CNBD1: variants seen among roughly 807,000 people sequenced by gnomAD.
The protein encoded by CNBD1 is cyclic nucleotide-binding domain-containing protein 1.
CNBD1 carries 71 observed loss-of-function variants against 54.4 expected under a neutral mutation model. That is an observed-to-expected ratio of 1.30 (90% CI 1.08 to 1.59). The LOEUF (loss-of-function observed/expected upper bound fraction) is 1.59. Among genes scored for constraint, CNBD1 ranks in the 40% most tolerant of loss-of-function variants. The pLI, the probability that CNBD1 is intolerant of heterozygous loss-of-function variation, is 0.00. For missense variants in CNBD1, 659 were observed against 518.0 expected (o/e 1.27, Z -2.64); for synonymous variants, 182 against 170.7 (o/e 1.07, Z -0.51).
Position 87,163,643 on chromosome 8 carries a change from A to G in CNBD1, c.432-42350A>G, listed in dbSNP as rs1309787462. Among the ~76,000 whole-genome samples, 1 of 151,708 alleles carries G rather than the reference A, an allele frequency of 6.6e-6. No homozygotes were observed. The highest frequency in any genetic ancestry group is 1.9e-4 in the East Asian group (1 of 5,176). On this transcript the variant is annotated intron_variant, in intron 4 of 10. Transcript: ENST00000518476. The surrounding 1 kb of genome is among the most constrained non-coding windows in gnomAD (Gnocchi z 4.5). Reference sequence around the variant, plus strand: ...GTTAGTGTATGAAAATGCAACTGATATTTGTAGGTTGATTTTGTTTCCTGC... The same window carrying G: ...GTTAGTGTATGAAAATGCAACTGATGTTTGTAGGTTGATTTTGTTTCCTGC...
At chr8:87,355,927 A>T (rs1310407554) in intron 10 of CNBD1, among the ~76,000 whole-genome samples, 1 of 152,044 alleles carries the variant, frequency 6.6e-6, no homozygotes, top group Non-Finnish European at 1.5e-5. Flanking sequence ...CTGGGTAATG[A>T]GTGAGTTCTC....
At chr8:87,426,371 A>G (rs948058094) in intron 2 of CNBD1, among the ~76,000 whole-genome samples, 1 of 152,198 alleles carries the variant, frequency 6.6e-6, no homozygotes, top group African/African-American at 2.4e-5. Flanking sequence ...AAATTATTAA[A>G]TGCAACATCA....
chr8:87,330,231 C>CTTTTTTT (rs3055413), intron 8 of CNBD1, among the ~76,000 whole-genome samples: 2 of 130,776 alleles, frequency 1.5e-5, no homozygotes, highest in African/African-American at 5.6e-5. Context: ...TTCCTTCTCT[C>CTTTTTTT]TTTTTTTTTT....
At chr8:86,919,021 T>C (rs1809230765) in intron 3 of CNBD1, among the ~76,000 whole-genome samples, 1 of 148,192 alleles carries the variant, frequency 6.7e-6, no homozygotes, top group Non-Finnish European at 1.5e-5. Context: ...AATATCATGC[T>C]TTTTTTTTTA....
At chr8:87,014,489 T>C (rs187740219) in intron 4 of CNBD1, among the ~76,000 whole-genome samples, 3 of 152,108 alleles carry the variant, frequency 2.0e-5, no homozygotes, top group Non-Finnish European at 4.4e-5. Flanking sequence ...TAAGCTTTAT[T>C]ACTAAAGTAA....
chr8:86,955,184 T>C (rs1807732075), intron 4 of CNBD1, among the ~76,000 whole-genome samples: 1 of 152,184 alleles, frequency 6.6e-6, no homozygotes, highest in Admixed American at 6.6e-5. Flanking sequence ...TATGGCTGCA[T>C]AGTATTCATG....
intron 2 of CNBD1, among the ~76,000 whole-genome samples, chr8:87,428,329 A>G (rs1808085880): frequency 6.6e-6 from 1 of 152,130 alleles, no homozygotes; most frequent in African/African-American, 2.4e-5. Flanking sequence ...ATAAAGTTGG[A>G]CATTGTGTAA....
At chr8:87,261,145 C>G (rs1285763896) in intron 6 of CNBD1, among the ~76,000 whole-genome samples, 1 of 152,072 alleles carries the variant, frequency 6.6e-6, no homozygotes, top group East Asian at 1.9e-4. Flanking sequence ...GTTCCCGGAC[C>G]CAGTCCAGTT....
At chr8:87,108,837 T>C (rs980245747) in intron 4 of CNBD1, among the ~76,000 whole-genome samples, 1 of 152,204 alleles carries the variant, frequency 6.6e-6, no homozygotes, top group Admixed American at 6.5e-5. Flanking sequence ...TAATGAAATA[T>C]TCTTCTTGTA....
chr8:87,263,083 C>T (rs1056900916), intron 6 of CNBD1, among the ~76,000 whole-genome samples: 1 of 151,960 alleles, frequency 6.6e-6, no homozygotes, highest in Admixed American at 6.6e-5. Flanking sequence ...TATATGTGTT[C>T]CTTGTAAGAT....
intron 8 of CNBD1, among the ~76,000 whole-genome samples, chr8:87,321,481 A>G (rs1022090112): frequency 6.6e-6 from 1 of 152,112 alleles, no homozygotes; most frequent in African/African-American, 2.4e-5. Flanking sequence ...CCTGTTCTAC[A>G]TTTGGATGTC....
intron 8 of CNBD1, among the ~76,000 whole-genome samples, chr8:87,321,461 T>C (rs1031075687): frequency 6.6e-6 from 1 of 152,186 alleles, no homozygotes; most frequent in African/African-American, 2.4e-5. Flanking sequence ...ACTGAACATC[T>C]TTTCTTATAC....
intron 8 of CNBD1, among the ~76,000 whole-genome samples, chr8:87,313,524 A>T (rs1030306721): frequency 2.0e-5 from 3 of 152,020 alleles, no homozygotes; most frequent in Non-Finnish European, 4.4e-5. Flanking sequence ...TCAATAGTGA[A>T]GGAACTATCA....
intron 3 of CNBD1, among the ~76,000 whole-genome samples, chr8:86,932,456 T>C (rs1266451860): frequency 6.6e-6 from 1 of 152,072 alleles, no homozygotes; most frequent in Non-Finnish European, 1.5e-5. Flanking sequence ...GAAGGGGAGC[T>C]GTAGGGAGGC....
chr8:86,991,830 T>A (rs982654035), intron 4 of CNBD1, among the ~76,000 whole-genome samples: 1 of 152,174 alleles, frequency 6.6e-6, no homozygotes, highest in East Asian at 1.9e-4. Context: ...TTTTGAGAGA[T>A]CTTCTTGATA....
chr8:87,260,409 C>T (rs1808111745), intron 6 of CNBD1, among the ~76,000 whole-genome samples: 1 of 152,098 alleles, frequency 6.6e-6, no homozygotes, highest in Non-Finnish European at 1.5e-5. Context: ...TTATGGGGGC[C>T]TAAGCCCGTA....
chr8:87,022,463 T>C (rs892397226), intron 4 of CNBD1, among the ~76,000 whole-genome samples: 14 of 152,166 alleles, frequency 9.2e-5, no homozygotes, highest in Non-Finnish European at 1.8e-4. Context: ...AATGGGAAGG[T>C]TATATTTTTC....
At chr8:87,269,778 C>T (rs774899138) in intron 6 of CNBD1, among the ~76,000 whole-genome samples, 1 of 151,866 alleles carries the variant, frequency 6.6e-6, no homozygotes, top group Non-Finnish European at 1.5e-5. Flanking sequence ...AATAAAAAAC[C>T]TACTAACCAA....
chr8:87,002,283 A>G (rs994537093), intron 4 of CNBD1, among the ~76,000 whole-genome samples: 5 of 152,128 alleles, frequency 3.3e-5, no homozygotes, highest in African/African-American at 1.2e-4. Context: ...TAGGCTTCTA[A>G]TTGGTCCTGG....
Sources: gnomAD v4.1 joint callset for allele counts (sites outside exome capture counted in the v4.1 genomes callset) on GRCh38, gnomAD v4.1.1 for gene constraint, Gnocchi (gnomAD v3.1) non-coding constraint, MANE v1.5 for transcripts, NCBI Gene and HGNC (gene_info 2026-07-23, HGNC 2026-07-21) for gene names.